XRCC5: variants seen among roughly 807,000 people sequenced by gnomAD.
XRCC5 encodes DNA repair protein Ku80.
XRCC5 carries 12 observed loss-of-function variants against 95.7 expected under a neutral mutation model. That is an observed-to-expected ratio of 0.13 (90% confidence interval 0.08 to 0.20). The LOEUF (loss-of-function observed/expected upper bound fraction) is 0.20. XRCC5 is among the 10% of genes least tolerant of loss of function. The probability of loss-of-function intolerance (pLI) is 1.00; values close to 1 mark genes in which losing one functional copy is unlikely to be tolerated. For synonymous variants in XRCC5, 281 were observed against 290.3 expected, an observed-to-expected ratio of 0.97 and a Z score of 0.33; for missense variants, 595 against 873.9, an observed-to-expected ratio of 0.68 and a Z score of 4.02.
intron 19 of XRCC5, 71 bp downstream of exon 19, chr2:216,195,057 G>C: frequency 6.8e-7 from 1 of 1,474,344 alleles, no homozygotes; most frequent in Non-Finnish European, 9.4e-7. Context: ...TACCCTCGAA[G>C]AAGTTAAATT....
chr2:216,120,822 G>A (rs973274885), intron 5 of XRCC5, among the ~76,000 whole-genome samples: 1 of 152,126 alleles, frequency 6.6e-6, no homozygotes, highest in East Asian at 1.9e-4. Flanking sequence ...TGCAACCTCC[G>A]CCTCCCAGGC....
Position 216,186,692 on chromosome 2 carries a change from C to T in XRCC5, c.1835-3533C>T, listed in dbSNP as rs573325775. On this transcript the variant is annotated intron_variant, in intron 16 of 20. Coordinates refer to ENST00000392132, the MANE Select transcript of XRCC5 (RefSeq NM_021141.4). ...TAGCTACTAATGAGTATTATTGAGT[C>T]ACTAACTAATTTCGAAAAGCATTTT... Among the ~76,000 whole-genome samples the T allele has an allele frequency of 2.6e-5, 4 of 152,218 alleles. No homozygotes were observed. In the South Asian group the frequency reaches 6.2e-4, roughly 24 times the overall value.
rs1688840566 is a variant in XRCC5 at position 216,156,268 on chromosome 2, C to T, written c.1671-3800C>T. On this transcript the variant is annotated intron_variant, in intron 14 of 20. Coordinates refer to ENST00000392132, the MANE Select transcript of XRCC5 (RefSeq NM_021141.4). ...TCCTTTCAGTCATTCCAAGGAGAATCAGCATGACCAAGCAAAGCAGGTTCC... is the reference window on the plus strand; with the variant it reads ...TCCTTTCAGTCATTCCAAGGAGAATTAGCATGACCAAGCAAAGCAGGTTCC... 26 of 529,498 alleles carry T rather than the reference C, an allele frequency of 4.9e-5. 1 individual carries two copies. The highest frequency in any genetic ancestry group is 3.8e-4 in the South Asian group (24 of 62,724). The allele number at this position is 529,498 out of a possible 1,614,324, so 32.8% of individuals were successfully genotyped here. A position where few individuals can be genotyped will look rare whatever the true frequency, so the allele number is the denominator to read the frequency against.
chr2:216,139,738 G>T (rs533252628), intron 12 of XRCC5, among the ~76,000 whole-genome samples: 7 of 152,202 alleles, frequency 4.6e-5, no homozygotes, highest in African/African-American at 1.7e-4. Flanking sequence ...AAACTCCTGG[G>T]TTCAAACAAT....
At chr2:216,154,763 C>A (rs949401885) in intron 14 of XRCC5, among the ~76,000 whole-genome samples, 4 of 152,180 alleles carry the variant, frequency 2.6e-5, no homozygotes, top group African/African-American at 9.7e-5. Flanking sequence ...TGGTAGTTCA[C>A]AGATTCCTTG....
Position 216,125,952 on chromosome 2 carries a change from T to C in XRCC5, c.719T>C (p.Ile240Thr), listed in dbSNP as rs147461451. ...AGAAAACTGTGCGTCTTCAAGAAAA[T>C]TGAGAGGCATTCCATTCACTGGCCC... ...SLRKLCVFKK[I>T]ERHSIHWPCR... Residue 240 changes from isoleucine to threonine, a missense_variant, in exon 7 of 21, where the codon ATT (isoleucine) becomes ACT (threonine). Around this residue, in one of 2 missense-constraint regions of XRCC5, gnomAD observed 286 missense variants for 491.1 expected, o/e 0.58. Transcript: ENST00000392132. The C allele has an allele frequency of 2.9e-5, 46 of 1,614,022 alleles. No homozygotes were observed. The East Asian group carries it at 1.0e-3, about 36-fold the overall frequency.
intron 6 of XRCC5, among the ~76,000 whole-genome samples, chr2:216,122,811 T>G (rs1238683165): frequency 1.3e-5 from 2 of 151,020 alleles, no homozygotes; most frequent in Admixed American, 1.3e-4. Context: ...TACGTGGGCG[T>G]TGGAAAGGCA....
chr2:216,148,442 G>C (rs1688679938), intron 14 of XRCC5, among the ~76,000 whole-genome samples, 166 bp downstream of exon 14: 1 of 152,134 alleles, frequency 6.6e-6, no homozygotes, highest in African/African-American at 2.4e-5. Context: ...TCTTATATCT[G>C]TCTGCTGTGA....
chr2:216,188,018 ACTTTCT>A (rs1322150404), intron 16 of XRCC5, among the ~76,000 whole-genome samples: 1 of 151,472 alleles, frequency 6.6e-6, no homozygotes, highest in Non-Finnish European at 1.5e-5. Flanking sequence ...TCTCACACAC[ACTTTCT>A]CTTCTTGGAA....
intron 16 of XRCC5, among the ~76,000 whole-genome samples, chr2:216,173,176 A>C (rs116021931): frequency 0.014 from 2,139 of 152,202 alleles, 46 homozygotes; most frequent in African/African-American, 0.049. Flanking sequence ...GCAAATAAAG[A>C]AAGCTTTACT....
chr2:216,154,262 T>C (rs768277169), intron 14 of XRCC5, among the ~76,000 whole-genome samples: 1 of 152,204 alleles, frequency 6.6e-6, no homozygotes, highest in Non-Finnish European at 1.5e-5. Context: ...CAGGATTAGT[T>C]CTTTCCCTTT....
chr2:216,145,180 G>T (rs1688601196), intron 13 of XRCC5, among the ~76,000 whole-genome samples: 1 of 152,158 alleles, frequency 6.6e-6, no homozygotes, highest in South Asian at 2.1e-4. Context: ...TGAAGGGAGA[G>T]AGAAAGAGAG....
chr2:216,183,709 G>C (rs1281824045), intron 16 of XRCC5, among the ~76,000 whole-genome samples: 1 of 152,130 alleles, frequency 6.6e-6, no homozygotes, highest in Admixed American at 6.6e-5. Flanking sequence ...GAAGTTTGGG[G>C]CAAAGAGCTA....
intron 16 of XRCC5, among the ~76,000 whole-genome samples, chr2:216,171,701 G>A (rs1284991017): frequency 6.6e-6 from 1 of 152,116 alleles, no homozygotes; most frequent in Non-Finnish European, 1.5e-5. Flanking sequence ...CAATTCCCTT[G>A]CTCTTGGAAT....
At chr2:216,133,163 A>G (rs892980194) in intron 10 of XRCC5, among the ~76,000 whole-genome samples, 2 of 152,178 alleles carry the variant, frequency 1.3e-5, no homozygotes, top group African/African-American at 4.8e-5. Context: ...CAGAACAGTT[A>G]AGGGAAGAAA....
intron 9 of XRCC5, among the ~76,000 whole-genome samples, chr2:216,131,583 G>T (rs544943505): frequency 1.1e-4 from 17 of 152,046 alleles, no homozygotes; most frequent in Non-Finnish European, 2.2e-4. Flanking sequence ...TTAAGGGGGT[G>T]GGGGGAGAGA....
chr2:216,178,576 T>A (rs2106038588), intron 16 of XRCC5, among the ~76,000 whole-genome samples: 1 of 152,328 alleles, frequency 6.6e-6, no homozygotes, highest in South Asian at 2.1e-4. Flanking sequence ...AGATGAGGCA[T>A]ACTTAGTAAG....
intron 10 of XRCC5, among the ~76,000 whole-genome samples, chr2:216,136,367 A>AAAG (rs1559243476): frequency 2.1e-5 from 3 of 143,190 alleles, no homozygotes; most frequent in African/African-American, 2.6e-5. Flanking sequence ...AAAAAAAAAA[A>AAAG]AAAAGAAATA....
chr2:216,134,464 G>A (rs1034939704), intron 10 of XRCC5, among the ~76,000 whole-genome samples: 2 of 105,442 alleles, frequency 1.9e-5, no homozygotes, highest in East Asian at 5.3e-4. Flanking sequence ...TTGGCTTTTT[G>A]TAGCCCATGC....
Sources: gnomAD v4.1 joint callset for allele counts (sites outside exome capture counted in the v4.1 genomes callset) on GRCh38, gnomAD v4.1.1 for gene constraint, gnomAD v4.1.1 regional missense constraint, MANE v1.5 for transcripts, NCBI Gene and HGNC (gene_info 2026-07-23, HGNC 2026-07-21) for gene names.